ABTB2: variants seen among roughly 807,000 people sequenced by gnomAD.
ABTB2 encodes the protein ankyrin repeat and BTB domain containing 2.
In ABTB2, 56 loss-of-function variants were observed where a neutral mutation model predicts 104.1. That is an observed-to-expected ratio of 0.54 (90% CI 0.43 to 0.67). The LOEUF is 0.67. Among genes scored for constraint, ABTB2 ranks in the 30% least tolerant of loss-of-function variants. ABTB2 has a pLI of 0.00. For missense variants in ABTB2, 1,279 were observed against 1,407.7 expected, an observed-to-expected ratio of 0.91 and a Z score of 1.46; for synonymous variants, 606 against 608.2, an observed-to-expected ratio of 1.00 and a Z score of 0.05.
At chr11:34,342,738 C>T (rs911980294) in intron 1 of ABTB2, among the ~76,000 whole-genome samples, 3 of 152,110 alleles carry the variant, frequency 2.0e-5, no homozygotes, top group Admixed American at 6.5e-5. Flanking sequence ...AGGGAACACA[C>T]ATGGTTGAAG....
intron 9 of ABTB2, among the ~76,000 whole-genome samples, chr11:34,163,978 TG>T (rs71457321): frequency 1.6e-5 from 1 of 63,314 alleles, no homozygotes; most frequent in Non-Finnish European, 3.4e-5. Context: ...TGGGTGAATG[TG>T]GGGGTGGGCT....
At chr11:34,225,622 G>C (rs1225692732) in intron 1 of ABTB2, among the ~76,000 whole-genome samples, 1 of 151,872 alleles carries the variant, frequency 6.6e-6, no homozygotes, top group Admixed American at 6.6e-5. Context: ...CGGTGTGGTG[G>C]CACATGCCTG....
At position 34,356,985 on chromosome 11, in the gene ABTB2, C is replaced by A; in HGVS notation, c.599G>T (p.Arg200Leu). 6.3e-7 allele frequency: 1 copy of A among 1,589,818 alleles called. No individual in the cohort carries two copies. The highest frequency in any genetic ancestry group is 8.5e-7 in the Non-Finnish European group (1 of 1,170,038). The change falls in exon 1 of 17, where the codon CGC becomes CTC. Residue 200 changes from arginine (R) to leucine (L), a missense_variant. Arg to Leu is a moderately radical substitution (Grantham distance 102). Coordinates refer to ENST00000435224, the MANE Select transcript of ABTB2 (RefSeq NM_145804.3). The surrounding 1 kb of genome is among the most constrained non-coding windows in gnomAD (Gnocchi z 4.6). Reference protein sequence around the residue: ...GDGLRRGKSARCGLTFSVGRF... With the variant: ...GDGLRRGKSALCGLTFSVGRF... ...ACCCACTGAGAAGGTGAGGCCGCAG[C>A]GCGCGGACTTGCCCCGGCGCAGCCC...
At chr11:34,299,285 G>A (rs1854667607) in intron 1 of ABTB2, among the ~76,000 whole-genome samples, 1 of 152,100 alleles carries the variant, frequency 6.6e-6, no homozygotes, top group Non-Finnish European at 1.5e-5. Context: ...GCTGTCTTCG[G>A]ATCATTTCTA....
intron 4 of ABTB2, among the ~76,000 whole-genome samples, chr11:34,172,418 A>ATATATATGTGTG (rs55819950): frequency 2.4e-5 from 2 of 84,230 alleles, no homozygotes; most frequent in African/African-American, 4.7e-5. Flanking sequence ...ATATATATAT[A>ATATATATGTGTG]TGTGTGTGTG....
intron 3 of ABTB2, 49 bp downstream of exon 3, chr11:34,197,276 C>T (rs765028444): frequency 2.8e-5 from 45 of 1,591,920 alleles, no homozygotes; most frequent in Middle Eastern, 1.7e-4. Flanking sequence ...GGTCAATGCA[C>T]GTTTGGGAGC....
chr11:34,357,583 TG>T lies in ABTB2; in HGVS notation c.-1del. On this transcript the variant is annotated 5_prime_UTR_variant, in exon 1 of 17. Transcript: ENST00000435224. The stretch of plus-strand genomic sequence containing the variant: ...AGAGTCGAGCTGTACGTCCCGGCCA[TG>T]GGGAGCCTGCCGAGGGCGGCGTCGC... 2 of 1,507,008 alleles carry T rather than the reference TG, an allele frequency of 1.3e-6. No homozygotes were observed. Among genetic ancestry groups the T allele is most frequent in the African/African-American group, 2.8e-5 (2 of 72,258 alleles). The allele number at this position is 1,507,008 out of a possible 1,614,324, so 93.4% of individuals were successfully genotyped here. A position where few individuals can be genotyped will look rare whatever the true frequency, so the allele number is the denominator to read the frequency against.
chr11:34,346,054 A>C (rs575701598), intron 1 of ABTB2, among the ~76,000 whole-genome samples: 1 of 152,270 alleles, frequency 6.6e-6, no homozygotes, highest in East Asian at 1.9e-4. Flanking sequence ...GAGCCTGTAT[A>C]CCTCGGAGCA....
chr11:34,299,515 A>G (rs1854673017), intron 1 of ABTB2, among the ~76,000 whole-genome samples: 1 of 152,234 alleles, frequency 6.6e-6, no homozygotes, highest in East Asian at 1.9e-4. Flanking sequence ...GCAAAGCCCA[A>G]GGAGGCTGCA....
rs79355441 is a variant in ABTB2, at chr11:34,355,218, T to A, written c.883+1483A>T. Among the ~76,000 whole-genome samples, 530 of 152,298 alleles carry A rather than the reference T, an allele frequency of 3.5e-3. 3 individuals are homozygous for A. Among genetic ancestry groups the A allele is most frequent in the African/African-American group, 0.012 (517 of 41,558 alleles). ...TGTCAACTGTTCTCGAAAACTGGGC[T>A]AATCAAAAAACAAAGCATAAGATCT... is the stretch of plus-strand genomic sequence containing the variant. On this transcript the variant is annotated intron_variant, in intron 1 of 16. Transcript: ENST00000435224.
At chr11:34,296,388 A>G (rs530202377) in intron 1 of ABTB2, among the ~76,000 whole-genome samples, 26 of 152,314 alleles carry the variant, frequency 1.7e-4, no homozygotes, top group African/African-American at 6.0e-4. Flanking sequence ...TGTTAGGACC[A>G]AGAAAATTAA....
intron 12 of ABTB2, 52 bp downstream of exon 12, chr11:34,160,196 G>A: frequency 1.3e-6 from 2 of 1,483,692 alleles, no homozygotes; most frequent in Non-Finnish European, 1.9e-6. Context: ...AGCAGGAAAG[G>A]GAAGAGGGGG....
intron 3 of ABTB2, 96 bp downstream of exon 3, chr11:34,197,229 G>T: frequency 7.4e-7 from 1 of 1,359,282 alleles, no homozygotes; most frequent in Non-Finnish European, 1.0e-6. Context: ...CCCCTTCCTC[G>T]CCCTGTTGGT....
At chr11:34,319,509 T>C (rs1246922955) in intron 1 of ABTB2, among the ~76,000 whole-genome samples, 1 of 152,220 alleles carries the variant, frequency 6.6e-6, no homozygotes, top group African/African-American at 2.4e-5. Context: ...TATGCAGTGC[T>C]GTCTGTCACC....
At chr11:34,173,104 G>A (rs780956714) in intron 4 of ABTB2, 51 bp downstream of exon 4, 16 of 1,609,218 alleles carry the variant, frequency 9.9e-6, no homozygotes, top group Middle Eastern at 1.6e-4. Flanking sequence ...GAGGGGAGCC[G>A]CTGGGGGCAG....
At chr11:34,200,455 G>GA (rs1417749449) in intron 2 of ABTB2, among the ~76,000 whole-genome samples, 2 of 152,086 alleles carry the variant, frequency 1.3e-5, no homozygotes, top group East Asian at 3.9e-4. Flanking sequence ...CGGCTTCTTC[G>GA]ATCCAAGCCC....
intron 1 of ABTB2, among the ~76,000 whole-genome samples, chr11:34,331,779 G>A (rs1855133624): frequency 6.6e-6 from 1 of 152,230 alleles, no homozygotes; most frequent in Non-Finnish European, 1.5e-5. Flanking sequence ...ATTGCACGGG[G>A]TAGAAGGGTT....
In ABTB2 at chr11:34,246,601, CAAAAAA is replaced by C. The variant is rs60681759; in HGVS notation, c.884-41917_884-41912del. On this transcript the variant is annotated intron_variant, in intron 1 of 16. Coordinates refer to ENST00000435224, the MANE Select transcript of ABTB2 (RefSeq NM_145804.3). ...GGGCAATAAGAGTGAAACTCCATCT[CAAAAAA>C]AAAAAAAAAAAAAAAAAAAAGACAA... 2.0e-4 allele frequency among the ~76,000 whole-genome samples: 7 copies of C among 34,770 alleles called. 1 individual carries two copies. Among genetic ancestry groups the C allele is most frequent in the African/African-American group, 5.0e-4 (4 of 8,044 alleles). 22.8% of individuals were successfully genotyped at this position (34,770 alleles called of 152,430 possible). A position where few individuals can be genotyped will look rare whatever the true frequency, so the allele number is the denominator to read the frequency against.
intron 1 of ABTB2, among the ~76,000 whole-genome samples, chr11:34,260,845 G>A (rs1055214763): frequency 1.3e-5 from 2 of 152,154 alleles, no homozygotes; most frequent in African/African-American, 4.8e-5. Flanking sequence ...ACAGCCACAC[G>A]TCCTTGTCCT....
Sources: allele counts gnomAD v4.1 joint callset (sites outside exome capture counted in the v4.1 genomes callset), GRCh38; gene constraint gnomAD v4.1.1; non-coding constraint Gnocchi (gnomAD v3.1); transcripts MANE v1.5; gene names NCBI Gene and HGNC (gene_info 2026-07-23, HGNC 2026-07-21).